COL6A3: variants seen among roughly 807,000 people sequenced by gnomAD.
COL6A3 encodes collagen type VI alpha 3 chain.
A neutral mutation model predicts 274.1 loss-of-function variants in COL6A3; 137 were observed. That is an observed-to-expected ratio of 0.50 (90% CI 0.44 to 0.58). The LOEUF (loss-of-function observed/expected upper bound fraction) is 0.58, where lower values mean the gene tolerates loss of function less well. COL6A3 is among the 20% of genes least tolerant of loss of function. COL6A3 has a pLI of 0.00. For missense variants in COL6A3, 3,950 were observed against 4,124.9 expected (o/e 0.96, Z 1.16); for synonymous variants, 1,650 against 1,650.6 (o/e 1.00, Z 0.01).
Position 237,345,543 on chromosome 2 carries a change from G to A in COL6A3, c.7093-330C>T, listed in dbSNP as rs146314569. Among the ~76,000 whole-genome samples the A allele has an allele frequency of 6.6e-5, 10 of 152,244 alleles. No individual in the cohort carries two copies. The East Asian group carries it at 1.4e-3, about 21-fold the overall frequency. ...TTGAGAAAAGAGCTCCCTTTCACAC[G>A]CTTGATACGCTGTCCCCTGCCGAAG... On this transcript the variant is annotated intron_variant, in intron 32 of 43. Transcript: ENST00000295550.
At position 237,324,622 on chromosome 2, in the gene COL6A3, T is replaced by C. The variant is rs957028775; in HGVS notation, c.*152A>G. 9.8e-6 allele frequency: 7 copies of C among 714,960 alleles called. No individual in the cohort carries two copies. The highest frequency in any genetic ancestry group is 1.7e-5 in the African/African-American group (1 of 57,556). The allele number at this position is 714,960 out of a possible 1,614,324, so 44.3% of individuals were successfully genotyped here. A position where few individuals can be genotyped will look rare whatever the true frequency, so the allele number is the denominator to read the frequency against. ...ACATTAGCACCATACTGATAGGTCATGCAGCAGGATGTTCCCTCCCGAGTT... is the reference window on the plus strand; with the variant it reads ...ACATTAGCACCATACTGATAGGTCACGCAGCAGGATGTTCCCTCCCGAGTT... On this transcript the variant is annotated 3_prime_UTR_variant, in exon 44 of 44. Coordinates refer to ENST00000295550, the MANE Select transcript of COL6A3 (RefSeq NM_004369.4).
At position 237,366,875 on chromosome 2, in the gene COL6A3, A is replaced by C. The variant is rs776346378; in HGVS notation, c.5312T>G (p.Val1771Gly). The C allele has an allele frequency of 3.7e-6, 6 of 1,613,040 alleles. No homozygotes were observed. The highest frequency in any genetic ancestry group is 4.2e-6 in the Non-Finnish European group (5 of 1,179,766). Reference protein sequence around the residue: ...DVSLALTQRGVKVFAVGVRNI... With the variant: ...DVSLALTQRGGKVFAVGVRNI... ...CCTCACTCCAACAGCAAACACTTTG[A>C]CCCCCCTCTGGGTGAGGGCCAGGCT... The change falls in exon 11 of 44, where the codon GTC becomes GGC. Residue 1771 changes from valine to glycine, a missense_variant. By Grantham distance (109) the Val-to-Gly change is moderately radical. Transcript: ENST00000295550.
In COL6A3 at chr2:237,374,407, C is replaced by G; in HGVS notation, c.3679+5G>C. 1 of 1,611,610 alleles carries G rather than the reference C, an allele frequency of 6.2e-7. No individual in the cohort carries two copies. Among genetic ancestry groups the G allele is most frequent in the Admixed American group, 1.7e-5 (1 of 60,032 alleles). On this transcript the variant is annotated splice_donor_5th_base_variant and intron_variant, in intron 8 of 43. Coordinates refer to ENST00000295550, the MANE Select transcript of COL6A3 (RefSeq NM_004369.4). This position sits in a 1 kb window ranked among gnomAD's most constrained non-coding sequence, Gnocchi z 4.8. ...GAGTGAGGATGCAAAGAGTTCCCTG[C>G]GTACCTGGGCTCGGTAGAGGCTGCA...
intron 23 of COL6A3, among the ~76,000 whole-genome samples, chr2:237,356,060 TA>T (rs1161295810): frequency 1.3e-5 from 2 of 152,206 alleles, no homozygotes; most frequent in Non-Finnish European, 2.9e-5. Flanking sequence ...AGGGAAGGGA[TA>T]GCAGGCCATT....
intron 3 of COL6A3, 41 bp downstream of exon 3, chr2:237,394,546 G>T: frequency 6.2e-7 from 1 of 1,612,822 alleles, no homozygotes; most frequent in South Asian, 1.1e-5. Context: ...CATCTCCCAA[G>T]AACAGCAGGG....
chr2:237,387,052 G>A (rs2078161121), intron 4 of COL6A3, among the ~76,000 whole-genome samples: 1 of 152,034 alleles, frequency 6.6e-6, no homozygotes, highest in Non-Finnish European at 1.5e-5. Flanking sequence ...ATTTCATCAA[G>A]TGATTACACT....
rs189764195 is a variant in COL6A3, at chr2:237,369,438, G to T, written c.4286-261C>A. The stretch of plus-strand genomic sequence containing the variant: ...ACTCTATTTAAATTTTGGCATTGTG[G>T]TCTGGGTTACTACTGATTTCTAAAA... On this transcript the variant is annotated intron_variant, in intron 9 of 43. Coordinates refer to ENST00000295550, the MANE Select transcript of COL6A3 (RefSeq NM_004369.4). Among the ~76,000 whole-genome samples the T allele has an allele frequency of 7.7e-3, 1,179 of 152,316 alleles. 18 individuals carry two copies. The highest frequency in any genetic ancestry group is 0.027 in the African/African-American group (1,133 of 41,572).
Position 237,357,850 on chromosome 2 carries a change from T to G in COL6A3, c.6504A>C (p.Gly2168=). Residue 2168 remains glycine (G), a synonymous_variant, in exon 22 of 44, where the codon GGA becomes GGC. Transcript: ENST00000295550. ...CGAGGTCACCGGTTTCTCCTTTGGG[T>G]CCTCTCTCCTGGCTGTCTTGTCCTG... is the stretch of plus-strand genomic sequence containing the variant. The part of the protein sequence containing the change: ...GNPGQDSQER[G]PKGETGDLGP... 2 of 1,614,106 alleles carry G rather than the reference T, an allele frequency of 1.2e-6. No homozygotes were observed. The highest frequency in any genetic ancestry group is 1.7e-6 in the Non-Finnish European group (2 of 1,180,028).
Position 237,379,049 on chromosome 2 carries a change from G to A in COL6A3, c.2084C>T (p.Thr695Ile). ...DTPVTEFSLN[T>I]YQTKSDILGH... ...AAGGATATCTGACTTGGTCTGGTATGTGTTTAAAGAGAACTCCGTTACAGG... is the reference window on the plus strand; with the variant it reads ...AAGGATATCTGACTTGGTCTGGTATATGTTTAAAGAGAACTCCGTTACAGG... Residue 695 changes from threonine to isoleucine, a missense_variant, in exon 6 of 44, where the codon ACA (threonine) becomes ATA (isoleucine). Transcript: ENST00000295550. 4 of 1,614,222 alleles carry A rather than the reference G, an allele frequency of 2.5e-6. No homozygotes were observed. Among genetic ancestry groups the A allele is most frequent in the South Asian group, 1.1e-5 (1 of 91,082 alleles).
intron 43 of COL6A3, 102 bp downstream of exon 43, chr2:237,325,458 C>A: frequency 7.9e-7 from 1 of 1,259,756 alleles, no homozygotes; most frequent in Non-Finnish European, 1.2e-6. Context: ...TCTTCTTTTT[C>A]ACATGTATCA....
At chr2:237,369,304 G>C (rs2077629933) in intron 9 of COL6A3, 127 bp from the exon 10 acceptor site, 3 of 1,304,984 alleles carry the variant, frequency 2.3e-6, no homozygotes, top group South Asian at 2.7e-5. Context: ...TGTGTTGTTT[G>C]TATCTCGGGC....
chr2:237,334,827 C>G lies in COL6A3; in HGVS notation c.9028G>C (p.Glu3010Gln). Reference protein sequence around the residue: ...ITENSAKLHWERAEPPGPYFY... With the variant: ...ITENSAKLHWQRAEPPGPYFY... ...TAAGGACCGGGGGGCTCAGCCCTCTCCCAGTGGAGTTTGGCGCTGTTCTCT... is the reference window on the plus strand; with the variant it reads ...TAAGGACCGGGGGGCTCAGCCCTCTGCCAGTGGAGTTTGGCGCTGTTCTCT... Residue 3010 changes from glutamate to glutamine, a missense_variant, in exon 41 of 44, where the codon GAG becomes CAG. Glu to Gln is a conservative substitution (Grantham distance 29). Around this residue, in one of 5 missense-constraint regions of COL6A3, gnomAD observed 1,284 missense variants for 1,349.7 expected, o/e 0.95. Transcript: ENST00000295550. The G allele has an allele frequency of 6.2e-7, 1 of 1,614,126 alleles. No homozygotes were observed. The highest frequency in any genetic ancestry group is 8.5e-7 in the Non-Finnish European group (1 of 1,180,004).
chr2:237,344,146 A>G lies in COL6A3; in HGVS notation c.7668+204T>C. On this transcript the variant is annotated intron_variant, in intron 36 of 43. Transcript: ENST00000295550. This position sits in a 1 kb window ranked among gnomAD's most constrained non-coding sequence, Gnocchi z 4.8. ...TGAGGAGGGACCTGGGGGCAGTGCTACAAGCATGTAGGCGTCCCTGTAGTG... is the reference window on the plus strand; with the variant it reads ...TGAGGAGGGACCTGGGGGCAGTGCTGCAAGCATGTAGGCGTCCCTGTAGTG... 1.4e-6 allele frequency: 1 copy of G among 735,838 alleles called. No individual in the cohort carries two copies. Among genetic ancestry groups the G allele is most frequent in the Admixed American group, 1.9e-5 (1 of 52,046 alleles). 45.6% of individuals were successfully genotyped at this position (735,838 alleles called of 1,614,324 possible).
chr2:237,407,408 A>G lies in COL6A3; in HGVS notation c.-31+6545T>C, dbSNP rs771340810. On this transcript the variant is annotated intron_variant, in intron 1 of 43. Coordinates refer to ENST00000295550, the MANE Select transcript of COL6A3 (RefSeq NM_004369.4). This position sits in a 1 kb window ranked among gnomAD's most constrained non-coding sequence, Gnocchi z 4.3. ...TGGAGTAGCGGATTCGAGATCTTCA[A>G]CTCTTCCTGGTAAAATCTAACAAAG... Among the ~76,000 whole-genome samples, 19 of 152,180 alleles carry G rather than the reference A, an allele frequency of 1.2e-4. No homozygotes were observed. The highest frequency in any genetic ancestry group is 2.0e-4 in the Admixed American group (3 of 15,292).
At chr2:237,388,737 G>T (rs2078216507) in intron 3 of COL6A3, among the ~76,000 whole-genome samples, 1 of 152,140 alleles carries the variant, frequency 6.6e-6, no homozygotes, top group Non-Finnish European at 1.5e-5. Flanking sequence ...AGAAACTATT[G>T]TTTCTTCTCT....
At chr2:237,370,708 G>A (rs182446997) in intron 9 of COL6A3, among the ~76,000 whole-genome samples, 4 of 152,220 alleles carry the variant, frequency 2.6e-5, no homozygotes, top group African/African-American at 4.8e-5. Flanking sequence ...GGCAATTTAC[G>A]GTGTAAATGC....
At chr2:237,380,857 C>T (rs2077983469) in intron 5 of COL6A3, 58 bp downstream of exon 5, 2 of 1,508,298 alleles carry the variant, frequency 1.3e-6, no homozygotes, top group Non-Finnish European at 1.8e-6. Context: ...TTGTTTTGTT[C>T]TTAAAGGCCC....
At position 237,353,329 on chromosome 2, in the gene COL6A3, G is replaced by T; in HGVS notation, c.6690+12C>A. Reference sequence around the variant, plus strand: ...TATCAGAGGGCACACAGTCACACACGGAAGCACTCACCTGTGCACCTCTGG... The same window carrying T: ...TATCAGAGGGCACACAGTCACACACTGAAGCACTCACCTGTGCACCTCTGG... On this transcript the variant is annotated intron_variant, in intron 25 of 43. Transcript: ENST00000295550. 1 of 1,613,348 alleles carries T rather than the reference G, an allele frequency of 6.2e-7. No homozygotes were observed. Among genetic ancestry groups the T allele is most frequent in the South Asian group, 1.1e-5 (1 of 91,038 alleles).
intron 3 of COL6A3, among the ~76,000 whole-genome samples, chr2:237,388,766 T>C (rs1417099398): frequency 6.6e-6 from 1 of 152,218 alleles, no homozygotes; most frequent in Non-Finnish European, 1.5e-5. Flanking sequence ...AAAACCAAAA[T>C]GACCTTGTAC....
Sources: gnomAD v4.1 joint callset for allele counts (sites outside exome capture counted in the v4.1 genomes callset) on GRCh38, gnomAD v4.1.1 for gene constraint, gnomAD v4.1.1 regional missense constraint, Gnocchi (gnomAD v3.1) non-coding constraint, MANE v1.5 for transcripts, NCBI Gene and HGNC (gene_info 2026-07-23, HGNC 2026-07-21) for gene names.